The following ZNF618 variants were observed in gnomAD, a reference collection of about 807,000 sequenced individuals.
The protein encoded by ZNF618 is neural precursor cell expressed, developmentally down-regulated 10.
ZNF618 carries 34 observed loss-of-function variants against 103.0 expected under a neutral mutation model. The observed-to-expected ratio is 0.33, with a 90% confidence interval of 0.25 to 0.44. The LOEUF (loss-of-function observed/expected upper bound fraction) is 0.44. ZNF618 is among the 20% of genes least tolerant of loss of function. The pLI, the probability that ZNF618 is intolerant of heterozygous loss-of-function variation, is 1.00. For missense variants in ZNF618, 1,059 were observed against 1,295.4 expected (o/e 0.82, Z 2.80); for synonymous variants, 551 against 542.2 (o/e 1.02, Z -0.23).
rs1392506134 is a variant in ZNF618, at chr9:113,951,497, G to GTGTATATA, written c.34-17616_34-17615insTATATGTA. Among the ~76,000 whole-genome samples, 17 of 36,942 alleles carry GTGTATATA rather than the reference G, an allele frequency of 4.6e-4. No individual in the cohort carries two copies. The East Asian group carries it at 8.5e-3, about 19-fold the overall frequency. 24.2% of individuals were successfully genotyped at this position (36,942 alleles called of 152,430 possible). Reference sequence around the variant, plus strand: ...TATGTGTACACATATATGTGTGTATGTGTACACATATATGTGTGTATATGT... The same window carrying GTGTATATA: ...TATGTGTACACATATATGTGTGTATGTGTATATATGTACACATATATGTGTGTATATGT... On this transcript the variant is annotated intron_variant, in intron 1 of 14. Coordinates refer to ENST00000374126, the MANE Select transcript of ZNF618 (RefSeq NM_001318042.2).
At chr9:113,956,465 G>A (rs1192999163) in intron 1 of ZNF618, among the ~76,000 whole-genome samples, 1 of 152,124 alleles carries the variant, frequency 6.6e-6, no homozygotes, top group African/African-American at 2.4e-5. Context: ...TCACCACTCT[G>A]GCTCTCTGAC....
chr9:114,008,955 G>A (rs987513704), intron 9 of ZNF618, among the ~76,000 whole-genome samples: 1 of 152,186 alleles, frequency 6.6e-6, no homozygotes, highest in Non-Finnish European at 1.5e-5. Context: ...TACATAGTAG[G>A]TGCTCGGAAA....
chr9:113,992,470 G>A (rs1840165276), intron 3 of ZNF618, among the ~76,000 whole-genome samples: 1 of 152,172 alleles, frequency 6.6e-6, no homozygotes, highest in African/African-American at 2.4e-5. Flanking sequence ...TTGCTTTTAA[G>A]TGAGCCCCTG....
chr9:113,960,771 AT>A (rs1564221678), intron 1 of ZNF618, among the ~76,000 whole-genome samples: 1 of 152,168 alleles, frequency 6.6e-6, no homozygotes, highest in African/African-American at 2.4e-5. Context: ...TCCATGGAGC[AT>A]TGTGGCCACT....
At chr9:113,988,612 G>A (rs761381857) in intron 3 of ZNF618, 32 bp downstream of exon 3, 1 of 1,578,438 alleles carries the variant, frequency 6.3e-7, no homozygotes, top group Admixed American at 1.7e-5. Context: ...TCAGGGTGGA[G>A]ACCAGGGTGG....
intron 12 of ZNF618, among the ~76,000 whole-genome samples, chr9:114,033,418 A>AGAGAGG (rs1490818468): frequency 6.8e-6 from 1 of 147,156 alleles, no homozygotes; most frequent in East Asian, 2.0e-4. Flanking sequence ...AGAGAGAGAG[A>AGAGAGG]GAGCTGTGAG....
chr9:113,959,356 T>G (rs1235226700), intron 1 of ZNF618, among the ~76,000 whole-genome samples: 4 of 152,074 alleles, frequency 2.6e-5, no homozygotes, highest in Admixed American at 2.0e-4. Flanking sequence ...AAAACCTCAC[T>G]CTTTGAAACA....
At chr9:113,968,673 C>G (rs879128745) in intron 1 of ZNF618, among the ~76,000 whole-genome samples, 9 of 152,316 alleles carry the variant, frequency 5.9e-5, no homozygotes, top group Admixed American at 1.3e-4. Flanking sequence ...CTGGCACTCT[C>G]TTGCCTTCTG....
chr9:113,973,368 C>A (rs879572794), intron 2 of ZNF618, among the ~76,000 whole-genome samples: 1 of 152,174 alleles, frequency 6.6e-6, no homozygotes, highest in Non-Finnish European at 1.5e-5. Context: ...TTCATCCCAG[C>A]GCCTTCCTCT....
chr9:114,031,913 G>A (rs1307714617), intron 11 of ZNF618, among the ~76,000 whole-genome samples: 3 of 152,058 alleles, frequency 2.0e-5, no homozygotes, highest in African/African-American at 4.8e-5. Flanking sequence ...CTGCAGGTGG[G>A]GGTGGGGGAT....
chr9:113,883,986 C>CG (rs1564125363), intron 1 of ZNF618, among the ~76,000 whole-genome samples: 8 of 23,332 alleles, frequency 3.4e-4, no homozygotes, highest in African/African-American at 1.2e-3. Context: ...GGCTTGGCCC[C>CG]CCCCCCCCCC....
rs55823556 is a variant in ZNF618 at position 113,986,336 on chromosome 9, C to T, written c.78-1985C>T. ...GGTTTTCCCAGCATGCCCTTGCACTCGTGTTCCGTCCATCTGAGTCCTGGC... is the reference window on the plus strand; with the variant it reads ...GGTTTTCCCAGCATGCCCTTGCACTTGTGTTCCGTCCATCTGAGTCCTGGC... On this transcript the variant is annotated intron_variant, in intron 2 of 14. Coordinates refer to ENST00000374126, the MANE Select transcript of ZNF618 (RefSeq NM_001318042.2). Among the ~76,000 whole-genome samples the T allele has an allele frequency of 2.6e-3, 401 of 152,376 alleles. 2 individuals are homozygous for T. Among genetic ancestry groups the T allele is most frequent in the Middle Eastern group, 0.017 (5 of 294 alleles).
Position 114,051,508 on chromosome 9 carries a change from G to A in ZNF618, c.*1341G>A, listed in dbSNP as rs1471368495. On this transcript the variant is annotated 3_prime_UTR_variant, in exon 15 of 15. Transcript: ENST00000374126. ...CCCTCCCGGACCCTGGCAGTCCACA[G>A]CGACTCCGAAGTCAGCCCATAGTCA... The A allele has an allele frequency of 1.3e-5, 2 of 153,310 alleles. No individual in the cohort carries two copies. Among genetic ancestry groups the A allele is most frequent in the East Asian group, 3.8e-4 (2 of 5,216 alleles). 9.5% of individuals were successfully genotyped at this position (153,310 alleles called of 1,614,324 possible).
intron 1 of ZNF618, among the ~76,000 whole-genome samples, chr9:113,948,809 G>A (rs1425036187): frequency 6.6e-6 from 1 of 152,206 alleles, no homozygotes; most frequent in East Asian, 1.9e-4. Flanking sequence ...ATAACAGGAA[G>A]AAAGCAGTGC....
intron 1 of ZNF618, among the ~76,000 whole-genome samples, chr9:113,958,286 C>T (rs1836508530): frequency 6.6e-6 from 1 of 152,068 alleles, no homozygotes; most frequent in African/African-American, 2.4e-5. Context: ...TCCCTGGACC[C>T]AGCATGCCTC....
chr9:113,910,256 G>C (rs1279340700), intron 1 of ZNF618, among the ~76,000 whole-genome samples: 1 of 152,192 alleles, frequency 6.6e-6, no homozygotes, highest in Non-Finnish European at 1.5e-5. Context: ...AGAGTAGGGT[G>C]CAGGATGAGT....
intron 9 of ZNF618, among the ~76,000 whole-genome samples, chr9:114,011,489 A>G (rs1842240015): frequency 2.0e-5 from 3 of 152,226 alleles, no homozygotes; most frequent in African/African-American, 7.2e-5. Flanking sequence ...GCTGGACTGA[A>G]TGGAGCTGAG....
At chr9:113,943,092 G>C (rs975240130) in intron 1 of ZNF618, among the ~76,000 whole-genome samples, 2 of 152,126 alleles carry the variant, frequency 1.3e-5, no homozygotes, top group African/African-American at 2.4e-5. Flanking sequence ...GTAGGGGTGT[G>C]ATTTCCAACA....
chr9:114,040,693 G>A (rs1271294540), intron 13 of ZNF618, among the ~76,000 whole-genome samples: 1 of 152,168 alleles, frequency 6.6e-6, no homozygotes, highest in East Asian at 1.9e-4. Flanking sequence ...GTATTCCATG[G>A]TGTATATGTG....
Sources: allele counts gnomAD v4.1 joint callset (sites outside exome capture counted in the v4.1 genomes callset), GRCh38; gene constraint gnomAD v4.1.1; transcripts MANE v1.5; gene names NCBI Gene and HGNC (gene_info 2026-07-23, HGNC 2026-07-21).